RPSA2: variants seen among roughly 807,000 people sequenced by gnomAD.
RPSA2 encodes small ribosomal subunit protein uS2B.
the RPSA2 span, among the ~76,000 whole-genome samples, chr19:23,779,158 A>AC: frequency 3.3e-5 from 5 of 150,278 alleles, no homozygotes; most frequent in African/African-American, 1.2e-4. Flanking sequence ...CCGCCACCAC[A>AC]CCCGGCTAAT....
At chr19:23,810,360 C>T in the RPSA2 span, among the ~76,000 whole-genome samples, 7 of 143,140 alleles carry the variant, frequency 4.9e-5, no homozygotes, top group Non-Finnish European at 1.0e-4. Flanking sequence ...TGCCACTGCA[C>T]TCCAGCCTGG....
chr19:23,853,287 T>G, the RPSA2 span, among the ~76,000 whole-genome samples: 6 of 152,354 alleles, frequency 3.9e-5, no homozygotes, highest in Admixed American at 6.5e-5. Flanking sequence ...CATGACAGGT[T>G]GGATGGCTCC....
At chr19:23,788,181 C>T in the RPSA2 span, among the ~76,000 whole-genome samples, 1 of 152,180 alleles carries the variant, frequency 6.6e-6, no homozygotes, top group Non-Finnish European at 1.5e-5. Flanking sequence ...TGTGATGTGA[C>T]CTTCCTGTCA....
the RPSA2 span, among the ~76,000 whole-genome samples, chr19:23,835,951 A>T: frequency 3.9e-5 from 6 of 152,250 alleles, no homozygotes; most frequent in African/African-American, 1.2e-4. Flanking sequence ...TAGTTTATGA[A>T]GTATTCATTA....
the RPSA2 span, among the ~76,000 whole-genome samples, chr19:23,845,605 T>C: frequency 6.6e-6 from 1 of 152,202 alleles, no homozygotes; most frequent in African/African-American, 2.4e-5. Context: ...GATCTTTTTA[T>C]CTCAGCCTCC....
At chr19:23,846,912 A>T in the RPSA2 span, among the ~76,000 whole-genome samples, 1 of 152,176 alleles carries the variant, frequency 6.6e-6, no homozygotes, top group Admixed American at 6.5e-5. Flanking sequence ...TTCTATTGCT[A>T]GAGTTGGGAA....
chr19:23,783,539 CAAAA>C, the RPSA2 span, among the ~76,000 whole-genome samples: 3 of 131,034 alleles, frequency 2.3e-5, no homozygotes, highest in African/African-American at 5.8e-5. Flanking sequence ...TGAGCACTGC[CAAAA>C]AAAAAAAAAA....
At chr19:23,868,858 G>A in the RPSA2 span, among the ~76,000 whole-genome samples, 1 of 152,142 alleles carries the variant, frequency 6.6e-6, no homozygotes, top group South Asian at 2.1e-4. Flanking sequence ...CCTCTGGTAT[G>A]GGCCATGAGC....
chr19:23,759,506 T>C, the RPSA2 span, among the ~76,000 whole-genome samples: 1 of 144,888 alleles, frequency 6.9e-6, no homozygotes, highest in Non-Finnish European at 1.5e-5. Context: ...AGCTGCACTT[T>C]CTATTTATAT....
chr19:23,862,983 A>G, the RPSA2 span, among the ~76,000 whole-genome samples: 2 of 150,192 alleles, frequency 1.3e-5, no homozygotes, highest in Admixed American at 6.7e-5. Flanking sequence ...GGTTCACTGC[A>G]GCCTCCACCT....
the RPSA2 span, among the ~76,000 whole-genome samples, chr19:23,856,534 G>T: frequency 2.0e-5 from 3 of 151,590 alleles, no homozygotes; most frequent in Non-Finnish European, 4.4e-5. Flanking sequence ...TGTTTCTGTG[G>T]TCTGGACCAA....
chr19:23,832,771 C>T, the RPSA2 span: 3 of 1,567,732 alleles, frequency 1.9e-6, no homozygotes, highest in Middle Eastern at 1.7e-4. Context: ...CCTTACTCGA[C>T]ATAAGATAAT....
the RPSA2 span, chr19:23,833,035 C>A: frequency 7.3e-7 from 1 of 1,375,622 alleles, no homozygotes; most frequent in East Asian, 3.4e-5. Flanking sequence ...TAAGAGAATT[C>A]ATACTGGAAA....
the RPSA2 span, among the ~76,000 whole-genome samples, chr19:23,868,107 C>T: frequency 6.6e-6 from 1 of 152,180 alleles, no homozygotes; most frequent in Non-Finnish European, 1.5e-5. Context: ...GACTTGAGAG[C>T]TATTAGTGCA....
the RPSA2 span, among the ~76,000 whole-genome samples, chr19:23,862,494 G>A: frequency 6.6e-6 from 1 of 151,756 alleles, no homozygotes; most frequent in Admixed American, 6.6e-5. Context: ...TGCCCATTCA[G>A]TATGATATTG....
At chr19:23,778,742 TTCTTGGGAACTG>T in the RPSA2 span, among the ~76,000 whole-genome samples, 1 of 152,138 alleles carries the variant, frequency 6.6e-6, no homozygotes, top group Non-Finnish European at 1.5e-5. Context: ...GTGACTCTTC[TTCTTGGGAACTG>T]TCCATAATGA....
the RPSA2 span, among the ~76,000 whole-genome samples, chr19:23,773,562 G>T: frequency 1.3e-5 from 2 of 152,156 alleles, no homozygotes; most frequent in African/African-American, 2.4e-5. Context: ...GATTACAGGC[G>T]TGAGCCACCA....
chr19:23,823,056 C>T, the RPSA2 span, among the ~76,000 whole-genome samples: 1 of 152,148 alleles, frequency 6.6e-6, no homozygotes. Flanking sequence ...CCAGTTACCA[C>T]CTTAAATACA....
the RPSA2 span, among the ~76,000 whole-genome samples, chr19:23,870,160 AT>A: frequency 1.3e-5 from 2 of 152,090 alleles, no homozygotes; most frequent in African/African-American, 4.8e-5. Flanking sequence ...AGGCATCATA[AT>A]TTTTGCTATT....
Sources: allele counts gnomAD v4.1 joint callset (sites outside exome capture counted in the v4.1 genomes callset), GRCh38; gene constraint gnomAD v4.1.1; transcripts MANE v1.5; gene names NCBI Gene and HGNC (gene_info 2026-07-23, HGNC 2026-07-21).